The following ANKRD36B variants were observed in gnomAD, a reference collection of about 807,000 sequenced individuals.
ANKRD36B encodes the protein ankyrin repeat domain-containing protein 36B.
ANKRD36B carries 37 observed loss-of-function variants against 135.7 expected under a neutral mutation model. That is an observed-to-expected ratio of 0.27 (90% CI 0.21 to 0.36). The LOEUF is 0.36. Ranked by LOEUF, ANKRD36B falls within the 10% of genes least tolerant of loss-of-function variation. The pLI, the probability that ANKRD36B is intolerant of heterozygous loss-of-function variation, is 1.00. For synonymous variants in ANKRD36B, 179 were observed against 348.1 expected (o/e 0.51, Z 5.41); for missense variants, 549 against 1,037.1 (o/e 0.53, Z 6.46).
chr2:97,573,720 T>C (rs2082043070), intron 6 of ANKRD36B, among the ~76,000 whole-genome samples: 1 of 152,044 alleles, frequency 6.6e-6, no homozygotes, highest in African/African-American at 2.4e-5. Flanking sequence ...AACAGAGCCA[T>C]CAGAAATAAT....
At chr2:97,554,972 G>GA in intron 14 of ANKRD36B, 88 bp downstream of exon 14, 1 of 1,490,624 alleles carries the variant, frequency 6.7e-7, no homozygotes. Flanking sequence ...GTGCAGCTTT[G>GA]ATGAGCCCCC....
At position 97,530,759 on chromosome 2, in the gene ANKRD36B, A is replaced by G. The variant is rs1451417599; in HGVS notation, c.2265+1552T>C. ...AAGTGGGCAAAGGATATCAACAGAC[A>G]CTTCTCAAAAGAAGACATTTATGCA... On this transcript the variant is annotated intron_variant, in intron 35 of 43. Coordinates refer to ENST00000359901, the MANE Select transcript of ANKRD36B (RefSeq NM_001393939.1). Among the ~76,000 whole-genome samples, 5 of 97,758 alleles carry G rather than the reference A, an allele frequency of 5.1e-5. 2 individuals are homozygous for G. The highest frequency in any genetic ancestry group is 1.8e-4 in the Admixed American group (2 of 11,124). The allele number at this position is 97,758 out of a possible 152,430, so 64.1% of individuals were successfully genotyped here. A position where few individuals can be genotyped will look rare whatever the true frequency, so the allele number is the denominator to read the frequency against.
intron 6 of ANKRD36B, among the ~76,000 whole-genome samples, chr2:97,561,866 A>G (rs1197369996): frequency 2.6e-5 from 4 of 151,904 alleles, no homozygotes; most frequent in East Asian, 1.9e-4. Flanking sequence ...CTGGTGCCCA[A>G]TGGTAACAAA....
chr2:97,558,204 C>T (rs1369827173), intron 10 of ANKRD36B, among the ~76,000 whole-genome samples: 11 of 152,004 alleles, frequency 7.2e-5, no homozygotes, highest in Non-Finnish European at 8.8e-5. Context: ...AGTACTCCTT[C>T]CTGCTTCCAC....
intron 14 of ANKRD36B, 116 bp downstream of exon 14, chr2:97,554,944 G>A: frequency 1.5e-6 from 2 of 1,314,712 alleles, no homozygotes; most frequent in Non-Finnish European, 2.1e-6. Context: ...AAGAATCTCT[G>A]GCCTGCTGAA....
intron 18 of ANKRD36B, 86 bp from the exon 19 acceptor site, chr2:97,549,700 T>C: frequency 2.5e-6 from 4 of 1,591,248 alleles, no homozygotes; most frequent in South Asian, 1.1e-5. Flanking sequence ...CATCAAACTC[T>C]GTCCTCCTGC....
chr2:97,549,232 T>A (rs1291175583), intron 20 of ANKRD36B, among the ~76,000 whole-genome samples, 187 bp downstream of exon 20: 28 of 134,834 alleles, frequency 2.1e-4, no homozygotes, highest in Admixed American at 4.5e-4. Context: ...ACAGCGAAGG[T>A]CATGTTCCAG....
intron 38 of ANKRD36B, among the ~76,000 whole-genome samples, chr2:97,512,608 T>C (rs1576771505): frequency 9.3e-5 from 1 of 10,808 alleles, no homozygotes; most frequent in South Asian, 1.6e-3. Context: ...CACTTTTACG[T>C]GCACAAATCA....
At chr2:97,555,947 T>C (rs2080484631) in intron 12 of ANKRD36B, among the ~76,000 whole-genome samples, 1 of 151,848 alleles carries the variant, frequency 6.6e-6, no homozygotes, top group African/African-American at 2.4e-5. Flanking sequence ...AAAAGTACAA[T>C]AAATTACACA....
In ANKRD36B at chr2:97,547,721, C is replaced by T. The variant is rs13001728; in HGVS notation, c.1488G>A (p.Glu496=). ...TCATTACCTTCAAGCCTGGTGGTTG[C>T]TCAAAAGACACTGAAAAGTAAAAGG... ...DGEKSRTVSF[E]QPPGLKATRD... The change falls in exon 21 of 44, where the codon GAG becomes GAA. Residue 496 remains glutamate (E), a synonymous_variant. Coordinates refer to ENST00000359901, the MANE Select transcript of ANKRD36B (RefSeq NM_001393939.1). The T allele has an allele frequency of 1.3e-6, 2 of 1,558,972 alleles. No individual in the cohort carries two copies. The highest frequency in any genetic ancestry group is 1.7e-6 in the Non-Finnish European group (2 of 1,149,492).
chr2:97,549,599 G>T lies in ANKRD36B; in HGVS notation c.1391C>A (p.Pro464Gln). 6.2e-7 allele frequency: 1 copy of T among 1,608,558 alleles called. No homozygotes were observed. Among genetic ancestry groups the T allele is most frequent in the South Asian group, 1.1e-5 (1 of 90,920 alleles). The change falls in exon 19 of 44, where the codon CCA becomes CAA. Residue 464 changes from proline to glutamine, a missense_variant. Pro to Gln is a moderately conservative substitution (Grantham distance 76). Coordinates refer to ENST00000359901, the MANE Select transcript of ANKRD36B (RefSeq NM_001393939.1). ...GAGTTTCATTACCTTCAAGGCTGGTGGTTTCTGAGAAGACACTGAAAAGCA... is the reference window on the plus strand; with the variant it reads ...GAGTTTCATTACCTTCAAGGCTGGTTGTTTCTGAGAAGACACTGAAAAGCA... ...EISRTVSSQKPPALKATSVKE... is the reference protein window; with the variant it reads ...EISRTVSSQKQPALKATSVKE...
intron 2 of ANKRD36B, 39 bp from the exon 3 acceptor site, chr2:97,585,156 A>T: frequency 6.2e-7 from 1 of 1,613,868 alleles, no homozygotes; most frequent in Non-Finnish European, 8.5e-7. Flanking sequence ...AATACTGAAA[A>T]AATCAAAATA....
intron 6 of ANKRD36B, among the ~76,000 whole-genome samples, chr2:97,575,668 G>A (rs2082183357): frequency 1.4e-5 from 2 of 147,524 alleles, no homozygotes; most frequent in African/African-American, 2.5e-5. Flanking sequence ...AACTATTATT[G>A]TTTTTTTATA....
chr2:97,554,984 C>G (rs1224787875), intron 14 of ANKRD36B, 76 bp downstream of exon 14: 6 of 1,527,286 alleles, frequency 3.9e-6, no homozygotes, highest in South Asian at 3.5e-5. Context: ...TGAGCCCCCC[C>G]ACTGATTTAT....
rs2082406098 is a variant in ANKRD36B, at chr2:97,578,987, A to T, written c.614T>A (p.Leu205Gln). 1.2e-6 allele frequency: 2 copies of T among 1,612,784 alleles called. No homozygotes were observed. Among genetic ancestry groups the T allele is most frequent in the African/African-American group, 2.7e-5 (2 of 74,886 alleles). Residue 205 changes from leucine to glutamine, a missense_variant, in exon 5 of 44, where the codon CTG becomes CAG. Leu to Gln is a moderately radical substitution (Grantham distance 113). Transcript: ENST00000359901. ...LGEKDIVILL[L>Q]QHNIDVFSRD... is the part of the protein sequence containing the mutation. ...AGAAAACACATCAATATTGTGCTGC[A>T]GAAGAAGAATGACTATATCTTTTTC...
In ANKRD36B at chr2:97,551,588, T is replaced by G; in HGVS notation, c.1274-108A>C. On this transcript the variant is annotated intron_variant, in intron 16 of 43. Coordinates refer to ENST00000359901, the MANE Select transcript of ANKRD36B (RefSeq NM_001393939.1). The stretch of plus-strand genomic sequence containing the variant: ...CTCTGTCCTCCTGCCTGTATTAGCG[T>G]AGGTTTTGATGGCTTCTACTTTGTG... 1.5e-5 allele frequency: 23 copies of G among 1,537,184 alleles called. No individual in the cohort carries two copies. The South Asian group carries it at 2.5e-4, about 17-fold the overall frequency.
intron 12 of ANKRD36B, among the ~76,000 whole-genome samples, chr2:97,555,607 A>G (rs1576979808): frequency 6.6e-6 from 1 of 151,886 alleles, no homozygotes; most frequent in East Asian, 1.9e-4. Flanking sequence ...GTGCTACATG[A>G]TCCTCCATGT....
At position 97,540,088 on chromosome 2, in the gene ANKRD36B, C is replaced by G. The variant is rs1304974950; in HGVS notation, c.1933G>C (p.Asp645His). 3 of 941,940 alleles carry G rather than the reference C, an allele frequency of 3.2e-6. 1 individual carries two copies. Among genetic ancestry groups the G allele is most frequent in the Middle Eastern group, 3.0e-4 (1 of 3,300 alleles). 58.3% of individuals were successfully genotyped at this position (941,940 alleles called of 1,614,324 possible). A position where few individuals can be genotyped will look rare whatever the true frequency, so the allele number is the denominator to read the frequency against. The change falls in exon 30 of 44, where the codon GAT (aspartate) becomes CAT (histidine). Residue 645 changes from aspartate (D) to histidine (H), a missense_variant. Coordinates refer to ENST00000359901, the MANE Select transcript of ANKRD36B (RefSeq NM_001393939.1). ...PALKTTGDEK[D>H]SVSNIAREIK... is the part of the protein sequence containing the mutation. ...TCTCTGGCTATATTCGAAACAGAAT[C>G]TTTCTCATCACCTGTAGTCTGAATG...
intron 24 of ANKRD36B, among the ~76,000 whole-genome samples, chr2:97,545,266 G>A (rs1482393484): frequency 4.2e-5 from 4 of 95,552 alleles, no homozygotes; most frequent in African/African-American, 1.2e-4. Flanking sequence ...ATTCTACAGT[G>A]TTTTTGTGGT....
Sources: gnomAD v4.1 joint callset for allele counts (sites outside exome capture counted in the v4.1 genomes callset) on GRCh38, gnomAD v4.1.1 for gene constraint, MANE v1.5 for transcripts, NCBI Gene and HGNC (gene_info 2026-07-23, HGNC 2026-07-21) for gene names.